Variants in RYR3 observed in about 807,000 individuals in gnomAD.
The protein encoded by RYR3 is brain ryanodine receptor-calcium release channel.
Under a neutral mutation model 584.3 loss-of-function variants are expected in RYR3, and 207 were observed. That is an observed-to-expected ratio of 0.35 (90% CI 0.32 to 0.40). The LOEUF is 0.40. Ranked by LOEUF, RYR3 falls within the 10% of genes least tolerant of loss-of-function variation. The pLI is 1.00. For missense variants in RYR3, 5,616 were observed against 6,089.2 expected, an observed-to-expected ratio of 0.92 and a Z score of 2.59; for synonymous variants, 2,416 against 2,248.5, an observed-to-expected ratio of 1.07 and a Z score of -2.11.
At chr15:33,519,139 G>A (rs1340441639) in intron 3 of RYR3, among the ~76,000 whole-genome samples, 1 of 152,180 alleles carries the variant, frequency 6.6e-6, no homozygotes, top group Non-Finnish European at 1.5e-5. Context: ...ATGCATGGGG[G>A]GCAGTTCAGG....
At chr15:33,591,941 G>GC (rs1218111938) in intron 16 of RYR3, among the ~76,000 whole-genome samples, 4 of 152,198 alleles carry the variant, frequency 2.6e-5, no homozygotes, top group Admixed American at 2.6e-4. Context: ...CAAAAATGCA[G>GC]CAGCCAAACA....
chr15:33,808,666 T>C (rs1365493483), intron 70 of RYR3, among the ~76,000 whole-genome samples: 1 of 152,218 alleles, frequency 6.6e-6, no homozygotes, highest in Admixed American at 6.5e-5. Flanking sequence ...TCGCAACCTT[T>C]AGAATTTTAA....
chr15:33,604,598 C>T (rs2059819809), intron 18 of RYR3, among the ~76,000 whole-genome samples: 1 of 152,188 alleles, frequency 6.6e-6, no homozygotes, highest in Non-Finnish European at 1.5e-5. Context: ...TCCCAGAGGA[C>T]AATGTGGTCC....
chr15:33,863,816 G>A (rs1889418605), intron 102 of RYR3, among the ~76,000 whole-genome samples: 1 of 151,826 alleles, frequency 6.6e-6, no homozygotes, highest in African/African-American at 2.4e-5. Flanking sequence ...TAAGAATTTG[G>A]GCTACCATTT....
In RYR3 at chr15:33,837,860, C is replaced by T. The variant is rs371057517; in HGVS notation, c.11880C>T (p.Asp3960=). ...GQKQYTQSEI[D]FLLSCAEADE... ...AACAGTACACGCAGTCAGAGATTGA[C>T]TTTCTCCTGTCGTGTGCAGAAGCTG... Residue 3960 remains aspartate, a synonymous_variant, in exon 89 of 104, where the codon GAC becomes GAT. Transcript: ENST00000634891. 18 of 1,613,902 alleles carry T rather than the reference C, an allele frequency of 1.1e-5. No individual in the cohort carries two copies. The African/African-American group carries it at 2.0e-4, about 18-fold the overall frequency.
At chr15:33,486,672 G>A (rs1035418936) in intron 2 of RYR3, among the ~76,000 whole-genome samples, 1 of 152,144 alleles carries the variant, frequency 6.6e-6, no homozygotes, top group African/African-American at 2.4e-5. Flanking sequence ...GGAGTAGAGG[G>A]TGATGTTGCC....
chr15:33,775,727 C>T (rs1000431553), intron 64 of RYR3, among the ~76,000 whole-genome samples: 1 of 152,158 alleles, frequency 6.6e-6, no homozygotes, highest in African/African-American at 2.4e-5. Flanking sequence ...GTATACTTTT[C>T]CCTACTCTGT....
chr15:33,865,451 G>T lies in RYR3; in HGVS notation c.*225G>T. ...TGTCAAAATGTCGAAGAAGGAAGGC[G>T]AAGAATCAAGTAATCTCTAGGCAAA... On this transcript the variant is annotated 3_prime_UTR_variant, in exon 104 of 104. Coordinates refer to ENST00000634891, the MANE Select transcript of RYR3 (RefSeq NM_001036.6). 2.1e-6 allele frequency: 1 copy of T among 487,590 alleles called. No individual in the cohort carries two copies. The highest frequency in any genetic ancestry group is 3.6e-6 in the Non-Finnish European group (1 of 275,066). The allele number at this position is 487,590 out of a possible 1,614,324, so 30.2% of individuals were successfully genotyped here.
At chr15:33,756,033 C>G (rs1180171836) in intron 58 of RYR3, among the ~76,000 whole-genome samples, 34 of 152,190 alleles carry the variant, frequency 2.2e-4, no homozygotes, top group Non-Finnish European at 2.9e-5. Flanking sequence ...TTCAGCTTCC[C>G]AAAGTGTTGG....
At position 33,800,815 on chromosome 15, in the gene RYR3, C is replaced by G; in HGVS notation, c.9876C>G (p.Phe3292Leu). Reference protein sequence around the residue: ...KSPDADSDQLFRMVAEVFILW... With the variant: ...KSPDADSDQLLRMVAEVFILW... ...CTGATGCTGATTCTGACCAGCTCTT[C>G]CGCATGGTGGCAGAAGTCTTCATTC... The change falls in exon 68 of 104, where the codon TTC becomes TTG. Residue 3292 changes from phenylalanine (F) to leucine (L), a missense_variant. By Grantham distance (22) the Phe-to-Leu change is conservative. This residue lies in a region of RYR3 where 954 missense variants were observed against 1,132.2 expected (regional missense o/e 0.84). Coordinates refer to ENST00000634891, the MANE Select transcript of RYR3 (RefSeq NM_001036.6). The G allele has an allele frequency of 6.2e-7, 1 of 1,613,838 alleles. No individual in the cohort carries two copies.
intron 48 of RYR3, among the ~76,000 whole-genome samples, chr15:33,735,114 G>C (rs1417601702): frequency 1.3e-5 from 2 of 152,074 alleles, no homozygotes; most frequent in African/African-American, 2.4e-5. Flanking sequence ...ACTTAACTAG[G>C]TTTTTTCATT....
intron 42 of RYR3, among the ~76,000 whole-genome samples, chr15:33,703,770 C>T (rs151228539): frequency 6.8e-4 from 104 of 152,174 alleles, no homozygotes; most frequent in African/African-American, 2.3e-3. Context: ...TATTTTGAGG[C>T]GACAAATTTA....
chr15:33,461,353 C>G (rs1761882902), intron 1 of RYR3, among the ~76,000 whole-genome samples: 1 of 152,154 alleles, frequency 6.6e-6, no homozygotes, highest in African/African-American at 2.4e-5. Context: ...AGGCTTCACT[C>G]CAGTTTCACG....
At chr15:33,599,770 G>A (rs2059572122) in intron 16 of RYR3, among the ~76,000 whole-genome samples, 1 of 152,194 alleles carries the variant, frequency 6.6e-6, no homozygotes, top group Admixed American at 6.5e-5. Context: ...CCATTCCCCA[G>A]TTTTACCTGA....
intron 101 of RYR3, 47 bp downstream of exon 101, chr15:33,860,706 A>G: frequency 7.7e-7 from 1 of 1,306,088 alleles, no homozygotes; most frequent in African/African-American, 1.5e-5. Flanking sequence ...TAATATCCCC[A>G]GAAGCAAATA....
chr15:33,770,920 A>G (rs945493697), intron 62 of RYR3, among the ~76,000 whole-genome samples: 7 of 152,254 alleles, frequency 4.6e-5, no homozygotes, highest in Non-Finnish European at 7.3e-5. Flanking sequence ...TAGAAATACA[A>G]AACTTATAGA....
At chr15:33,524,763 T>G (rs2054271028) in intron 3 of RYR3, among the ~76,000 whole-genome samples, 1 of 152,230 alleles carries the variant, frequency 6.6e-6, no homozygotes, top group South Asian at 2.1e-4. Context: ...CTAGAAAAGA[T>G]AGAATCTCTT....
chr15:33,747,063 G>A (rs1312049643), intron 53 of RYR3, among the ~76,000 whole-genome samples: 2 of 151,762 alleles, frequency 1.3e-5, no homozygotes, highest in African/African-American at 2.4e-5. Context: ...CTCCCACCTC[G>A]GCCTCCCAAA....
chr15:33,677,660 T>G (rs11638528), intron 38 of RYR3, among the ~76,000 whole-genome samples: 1 of 152,094 alleles, frequency 6.6e-6, no homozygotes, highest in Non-Finnish European at 1.5e-5. Context: ...CTGTCAGATA[T>G]GGGTATCTGT....
Sources: gnomAD v4.1 joint callset for allele counts (sites outside exome capture counted in the v4.1 genomes callset) on GRCh38, gnomAD v4.1.1 for gene constraint, gnomAD v4.1.1 regional missense constraint, MANE v1.5 for transcripts, NCBI Gene and HGNC (gene_info 2026-07-23, HGNC 2026-07-21) for gene names.